MYLK4: variants seen among roughly 807,000 people sequenced by gnomAD.
MYLK4 encodes the protein caMLCK like.
MYLK4 carries 46 observed loss-of-function variants against 48.1 expected under a neutral mutation model. The observed-to-expected ratio is 0.96, with a 90% CI of 0.75 to 1.22. MYLK4 has a LOEUF of 1.22. Ranked by LOEUF, MYLK4 falls within the 50% of genes most tolerant of loss-of-function variation. The pLI, the probability that MYLK4 is intolerant of heterozygous loss-of-function variation, is 0.00. For missense variants in MYLK4, 451 were observed against 486.1 expected (o/e 0.93, Z 0.68); for synonymous variants, 170 against 180.8 (o/e 0.94, Z 0.48).
At chr6:2,675,755 T>C (rs1761055788) in intron 10 of MYLK4, among the ~76,000 whole-genome samples, 1 of 152,242 alleles carries the variant, frequency 6.6e-6, no homozygotes, top group African/African-American at 2.4e-5. Context: ...TACATTTGTT[T>C]GATGTGCTAA....
At chr6:2,731,393 C>CCTGGTCACTGAGCCATGGCTG (rs1763474723) in intron 2 of MYLK4, among the ~76,000 whole-genome samples, 2 of 152,142 alleles carry the variant, frequency 1.3e-5, no homozygotes, top group Admixed American at 6.5e-5. Context: ...AGGTCTGAAA[C>CCTGGTCACTGAGCCATGGCTG]CTGGTCACTG....
the MYLK4 span, among the ~76,000 whole-genome samples, chr6:2,767,647 G>T: frequency 2.0e-5 from 3 of 152,246 alleles, no homozygotes; most frequent in East Asian, 5.8e-4. Flanking sequence ...GGATTGAGCA[G>T]TATCATTCTT....
the MYLK4 span, among the ~76,000 whole-genome samples, chr6:2,769,481 A>G: frequency 6.6e-6 from 1 of 152,152 alleles, no homozygotes. Context: ...AAAAAATTAA[A>G]TTTTTAGGCA....
the MYLK4 span, among the ~76,000 whole-genome samples, chr6:2,763,467 G>T: frequency 6.6e-6 from 1 of 152,250 alleles, no homozygotes; most frequent in Non-Finnish European, 1.5e-5. Context: ...CCTGAGCCTT[G>T]CGCTGCGTGG....
At chr6:2,757,475 G>C in the MYLK4 span, among the ~76,000 whole-genome samples, 2 of 152,030 alleles carry the variant, frequency 1.3e-5, no homozygotes. Flanking sequence ...ACATTTCTAA[G>C]AAGTTTACCT....
intron 6 of MYLK4, among the ~76,000 whole-genome samples, chr6:2,683,387 C>CT (rs138132269): frequency 0.023 from 1,959 of 86,236 alleles, 107 homozygotes; most frequent in East Asian, 0.11. Context: ...AACTCCCCAC[C>CT]TTTTTGTGTG....
At chr6:2,717,346 T>C (rs201626529) in intron 2 of MYLK4, among the ~76,000 whole-genome samples, 15 of 137,916 alleles carry the variant, frequency 1.1e-4, no homozygotes, top group African/African-American at 4.0e-4. Context: ...AATGAAAATC[T>C]GAAATATAAA....
At chr6:2,734,000 C>T (rs188241877) in intron 2 of MYLK4, among the ~76,000 whole-genome samples, 23 of 152,186 alleles carry the variant, frequency 1.5e-4, no homozygotes, top group Non-Finnish European at 2.5e-4. Context: ...ACTTATCTAA[C>T]GTGAGTGCCA....
At chr6:2,744,525 C>T (rs1241088174) in intron 2 of MYLK4, among the ~76,000 whole-genome samples, 3 of 152,296 alleles carry the variant, frequency 2.0e-5, no homozygotes, top group East Asian at 3.9e-4. Context: ...ATAGTCATTA[C>T]GGATGGTGCT....
intron 2 of MYLK4, among the ~76,000 whole-genome samples, chr6:2,701,551 T>C (rs1040581576): frequency 6.6e-5 from 10 of 152,244 alleles, no homozygotes; most frequent in African/African-American, 1.9e-4. Flanking sequence ...AAAGTGACTT[T>C]TGAAAAGCTA....
At chr6:2,753,669 A>G (rs377463727), upstream of MYLK4, among the ~76,000 whole-genome samples, 2,148 of 13,394 alleles carry the variant, frequency 0.16, 36 homozygotes, top group Non-Finnish European at 0.5. Flanking sequence ...AGCATATACA[A>G]CTTAATAATA....
chr6:2,765,718 C>T, the MYLK4 span: 7 of 1,542,920 alleles, frequency 4.5e-6, no homozygotes, highest in Admixed American at 9.1e-5. Flanking sequence ...CCGCGCACAT[C>T]AACTCGCACC....
At chr6:2,724,681 T>C (rs992578083) in intron 2 of MYLK4, among the ~76,000 whole-genome samples, 2 of 109,508 alleles carry the variant, frequency 1.8e-5, no homozygotes, top group Admixed American at 9.9e-5. Flanking sequence ...GGAATTCATT[T>C]TGTAATGATG....
At chr6:2,719,086 C>T (rs56719356) in intron 2 of MYLK4, among the ~76,000 whole-genome samples, 3,123 of 152,236 alleles carry the variant, frequency 0.021, 89 homozygotes, top group African/African-American at 0.072. Flanking sequence ...GAAAACGGGG[C>T]GCTCATTTTG....
the MYLK4 span, chr6:2,766,149 GGGACGC>G: frequency 3.2e-3 from 4,273 of 1,328,488 alleles, 15 homozygotes; most frequent in Non-Finnish European, 3.1e-3. Flanking sequence ...GATGGCGACG[GGGACGC>G]GGACGCGGAC....
intron 2 of MYLK4, among the ~76,000 whole-genome samples, chr6:2,721,033 T>A (rs1182681434): frequency 6.6e-6 from 1 of 151,910 alleles, no homozygotes; most frequent in Non-Finnish European, 1.5e-5. Context: ...TGGTGGCACC[T>A]GCCTGTAGTC....
intron 3 of MYLK4, among the ~76,000 whole-genome samples, chr6:2,689,242 C>T (rs1761680548): frequency 3.3e-5 from 5 of 152,102 alleles, no homozygotes; most frequent in Non-Finnish European, 7.4e-5. Flanking sequence ...TGAAAATTTC[C>T]AACCCAACAC....
chr6:2,734,115 T>C (rs146519451), intron 2 of MYLK4, among the ~76,000 whole-genome samples: 74 of 152,206 alleles, frequency 4.9e-4, no homozygotes, highest in Admixed American at 8.5e-4. Context: ...TAGAATGCAA[T>C]GGTATTCAGC....
intron 2 of MYLK4, among the ~76,000 whole-genome samples, chr6:2,696,236 T>C (rs942121785): frequency 5.3e-5 from 8 of 152,188 alleles, no homozygotes; most frequent in African/African-American, 1.9e-4. Flanking sequence ...AAGTGGGATA[T>C]ACGTACCCAG....
Sources: gnomAD v4.1 joint callset for allele counts (sites outside exome capture counted in the v4.1 genomes callset) on GRCh38, gnomAD v4.1.1 for gene constraint, MANE v1.5 for transcripts, NCBI Gene and HGNC (gene_info 2026-07-23, HGNC 2026-07-21) for gene names.